Variants in MALRD1 observed in about 807,000 individuals in gnomAD.
The protein encoded by MALRD1 is MAM and LDL-receptor class A domain-containing protein 1.
MALRD1 carries 247 observed loss-of-function variants against 242.1 expected under a neutral mutation model. The observed-to-expected ratio is 1.02, with a 90% CI of 0.92 to 1.13. The LOEUF (loss-of-function observed/expected upper bound fraction) is 1.13, where lower values mean the gene tolerates loss of function less well. Among genes scored for constraint, MALRD1 ranks in the 50% most tolerant of loss-of-function variants. MALRD1 has a pLI of 0.00. For missense variants in MALRD1, 2,989 were observed against 2,533.1 expected, an observed-to-expected ratio of 1.18 and a Z score of -3.86; for synonymous variants, 995 against 866.6, an observed-to-expected ratio of 1.15 and a Z score of -2.60.
intron 36 of MALRD1, among the ~76,000 whole-genome samples, chr10:19,682,153 T>C (rs1330031996): frequency 6.6e-6 from 1 of 152,222 alleles, no homozygotes; most frequent in Non-Finnish European, 1.5e-5. Context: ...AGTAATCAAC[T>C]TGAGTAAACC....
At chr10:19,692,087 A>C (rs1195014290) in intron 36 of MALRD1, among the ~76,000 whole-genome samples, 195 bp from the exon 37 acceptor site, 1 of 152,150 alleles carries the variant, frequency 6.6e-6, no homozygotes, top group Non-Finnish European at 1.5e-5. Flanking sequence ...AAATTATCTT[A>C]CACAATGATA....
chr10:19,441,216 G>T (rs1834627734), intron 28 of MALRD1, among the ~76,000 whole-genome samples: 1 of 151,642 alleles, frequency 6.6e-6, no homozygotes, highest in Non-Finnish European at 1.5e-5. Context: ...GTAAATTTAA[G>T]TTCTTTGTAG....
At chr10:19,475,689 T>C (rs764569872) in intron 29 of MALRD1, among the ~76,000 whole-genome samples, 6 of 152,184 alleles carry the variant, frequency 3.9e-5, no homozygotes, top group Non-Finnish European at 7.3e-5. Context: ...CTTGTTTGTA[T>C]TCATTTTATG....
rs1589394964 is a variant in MALRD1, at chr10:19,682,502, A to C, written c.6138-9780A>C. Among the ~76,000 whole-genome samples the C allele has an allele frequency of 4.6e-5, 7 of 152,334 alleles. 1 individual carries two copies. The highest frequency in any genetic ancestry group is 4.6e-4 in the Admixed American group (7 of 15,298). On this transcript the variant is annotated intron_variant, in intron 36 of 39. Coordinates refer to ENST00000454679, the MANE Select transcript of MALRD1 (RefSeq NM_001142308.3). ...CTTCATGTTAAGAAAACAGGCTCTT[A>C]TGCATGAATGGAGCGGGATGTTTAT...
chr10:19,448,503 T>C (rs897155175), intron 28 of MALRD1, among the ~76,000 whole-genome samples: 1 of 149,518 alleles, frequency 6.7e-6, no homozygotes, highest in Non-Finnish European at 1.5e-5. Context: ...CAGAAAGGGC[T>C]AGACCTAGAA....
intron 11 of MALRD1, among the ~76,000 whole-genome samples, chr10:19,149,666 CTA>C (rs1340784747): frequency 2.0e-5 from 3 of 152,060 alleles, no homozygotes; most frequent in Non-Finnish European, 2.9e-5. Context: ...CAAATACTAT[CTA>C]TTTTTTTCAT....
In MALRD1 at chr10:19,146,285, G is replaced by T. The variant is rs181384734; in HGVS notation, c.1499G>T (p.Gly500Val). 1.6e-6 allele frequency: 2 copies of T among 1,231,600 alleles called. No individual in the cohort carries two copies. Among genetic ancestry groups the T allele is most frequent in the East Asian group, 3.2e-5 (1 of 31,686 alleles). 76.3% of individuals were successfully genotyped at this position (1,231,600 alleles called of 1,614,324 possible). The change falls in exon 11 of 40, where the codon GGA becomes GTA. Residue 500 changes from glycine to valine, a missense_variant. Gly to Val is a moderately radical substitution (Grantham distance 109). Transcript: ENST00000454679. ...TEDSHWKLMK[G>V]LNNGEHHFPA... ...GATTCACACTGGAAGCTGATGAAAG[G>T]ATTGAATAATGGAGAGCACCACTTT...
chr10:19,723,703 C>G lies in MALRD1; in HGVS notation c.6315-7003C>G, dbSNP rs573047055. On this transcript the variant is annotated intron_variant, in intron 38 of 39. Coordinates refer to ENST00000454679, the MANE Select transcript of MALRD1 (RefSeq NM_001142308.3). The stretch of plus-strand genomic sequence containing the variant: ...GCTGCAGTGAGCTATGATCACACCA[C>G]TGTAAACCAGCCTAGGCAACAGAGT... Among the ~76,000 whole-genome samples, 24 of 150,954 alleles carry G rather than the reference C, an allele frequency of 1.6e-4. No individual in the cohort carries two copies. The South Asian group carries it at 5.0e-3, about 32-fold the overall frequency.
At chr10:19,494,056 C>T (rs919529513) in intron 30 of MALRD1, among the ~76,000 whole-genome samples, 10 of 152,074 alleles carry the variant, frequency 6.6e-5, no homozygotes, top group African/African-American at 2.4e-4. Context: ...AGAGGGAGCA[C>T]AGCTGCAACT....
chr10:19,050,309 G>C (rs1311207439), intron 1 of MALRD1, among the ~76,000 whole-genome samples: 1 of 150,382 alleles, frequency 6.6e-6, no homozygotes. Flanking sequence ...GGATGGTCTC[G>C]ATCTCCTGAC....
intron 31 of MALRD1, among the ~76,000 whole-genome samples, chr10:19,528,799 A>C (rs1168755269): frequency 1.3e-5 from 2 of 152,156 alleles, no homozygotes; most frequent in African/African-American, 4.8e-5. Context: ...GAACCAACTG[A>C]AAATCAACAA....
At chr10:19,543,307 A>G (rs1799425319) in intron 32 of MALRD1, among the ~76,000 whole-genome samples, 1 of 149,940 alleles carries the variant, frequency 6.7e-6, no homozygotes. Flanking sequence ...ACTGTCAGTC[A>G]GGCTGGAGTA....
At chr10:19,423,946 T>A (rs1208100906) in intron 28 of MALRD1, among the ~76,000 whole-genome samples, 1 of 152,204 alleles carries the variant, frequency 6.6e-6, no homozygotes, top group African/African-American at 2.4e-5. Flanking sequence ...GGATCATTTA[T>A]GTTGGATGTT....
At chr10:19,609,948 G>T (rs537619929) in intron 35 of MALRD1, among the ~76,000 whole-genome samples, 1 of 151,128 alleles carries the variant, frequency 6.6e-6, no homozygotes, top group African/African-American at 2.5e-5. Context: ...TATTGATAAT[G>T]GTGGTGATTA....
At chr10:19,216,085 A>G (rs1007179794) in intron 18 of MALRD1, among the ~76,000 whole-genome samples, 1 of 147,762 alleles carries the variant, frequency 6.8e-6, no homozygotes, top group Admixed American at 6.7e-5. Flanking sequence ...GTAATACTAT[A>G]TCTTTTTCTA....
At chr10:19,328,494 T>C (rs946515023) in intron 23 of MALRD1, among the ~76,000 whole-genome samples, 5 of 152,146 alleles carry the variant, frequency 3.3e-5, no homozygotes, top group Non-Finnish European at 7.4e-5. Context: ...ATAAAATTCT[T>C]GTTAAATATT....
intron 19 of MALRD1, among the ~76,000 whole-genome samples, chr10:19,272,052 G>C (rs1335587193): frequency 6.6e-6 from 1 of 151,940 alleles, no homozygotes; most frequent in Admixed American, 6.6e-5. Flanking sequence ...AGTTTGTGCT[G>C]CTCAATAGAC....
At chr10:19,050,292 T>C (rs1834451498) in intron 1 of MALRD1, among the ~76,000 whole-genome samples, 1 of 151,050 alleles carries the variant, frequency 6.6e-6, no homozygotes, top group Non-Finnish European at 1.5e-5. Context: ...TTTCACCGTT[T>C]TAGCCGGGAT....
At chr10:19,452,005 A>C (rs1215419517) in intron 29 of MALRD1, among the ~76,000 whole-genome samples, 1 of 152,188 alleles carries the variant, frequency 6.6e-6, no homozygotes, top group Non-Finnish European at 1.5e-5. Flanking sequence ...TGTAAAGGGA[A>C]TCTTAGACAT....
Sources: gnomAD v4.1 joint callset for allele counts (sites outside exome capture counted in the v4.1 genomes callset) on GRCh38, gnomAD v4.1.1 for gene constraint, MANE v1.5 for transcripts, NCBI Gene and HGNC (gene_info 2026-07-23, HGNC 2026-07-21) for gene names.